Variants in BLK observed in about 807,000 individuals in gnomAD.
BLK encodes the protein tyrosine-protein kinase Blk.
Under a neutral mutation model 61.8 loss-of-function variants are expected in BLK, and 64 were observed. The observed-to-expected ratio is 1.03, with a 90% CI of 0.85 to 1.27. BLK has a LOEUF of 1.27. Ranked by LOEUF, BLK falls within the 50% of genes most tolerant of loss-of-function variation. BLK has a pLI of 0.00. For missense variants in BLK, 853 were observed against 660.5 expected (o/e 1.29, Z -3.19); for synonymous variants, 351 against 272.0 (o/e 1.29, Z -2.86).
chr8:11,518,216 A>C (rs1799303865), intron 1 of BLK, among the ~76,000 whole-genome samples: 1 of 152,210 alleles, frequency 6.6e-6, no homozygotes. Flanking sequence ...CCCACAAAGC[A>C]TGGACTCTCA....
chr8:11,545,594 T>G (rs1800597271), intron 2 of BLK: 1 of 179,904 alleles, frequency 5.6e-6, no homozygotes, highest in Non-Finnish European at 1.2e-5. Context: ...GGAGCCCTCT[T>G]GTACACATTC....
At chr8:11,504,665 A>G (rs1358453333) in intron 1 of BLK, among the ~76,000 whole-genome samples, 1 of 152,220 alleles carries the variant, frequency 6.6e-6, no homozygotes, top group African/African-American at 2.4e-5. Context: ...CATGTGCTCA[A>G]AAACTGTCTC....
chr8:11,558,112 C>T, intron 10 of BLK, 74 bp downstream of exon 10: 3 of 1,425,646 alleles, frequency 2.1e-6, no homozygotes, highest in Non-Finnish European at 3.0e-6. Flanking sequence ...TCGTGCCTTA[C>T]CACCCCATCC....
At chr8:11,518,758 G>A (rs1428662342) in intron 1 of BLK, among the ~76,000 whole-genome samples, 2 of 152,070 alleles carry the variant, frequency 1.3e-5, no homozygotes, top group Admixed American at 6.6e-5. Context: ...TTCCCCAGCT[G>A]GTCTCTGGGC....
intron 1 of BLK, among the ~76,000 whole-genome samples, chr8:11,524,611 C>T (rs6993135): frequency 0.02 from 3,086 of 152,214 alleles, 94 homozygotes; most frequent in African/African-American, 0.07. Flanking sequence ...GCGTGGGAAT[C>T]CCACTTGTGG....
chr8:11,495,959 G>C (rs1798345954), intron 1 of BLK, among the ~76,000 whole-genome samples: 1 of 152,076 alleles, frequency 6.6e-6, no homozygotes, highest in Admixed American at 6.5e-5. Flanking sequence ...AAAATAAAGA[G>C]TTAAAAAAAA....
chr8:11,504,310 G>T (rs1217852899), intron 1 of BLK, among the ~76,000 whole-genome samples: 1 of 148,762 alleles, frequency 6.7e-6, no homozygotes, highest in African/African-American at 2.5e-5. Context: ...GCAACAGAGC[G>T]AGATTCCATC....
At chr8:11,519,889 T>G (rs1292980254) in intron 1 of BLK, among the ~76,000 whole-genome samples, 3 of 152,198 alleles carry the variant, frequency 2.0e-5, no homozygotes, top group Non-Finnish European at 4.4e-5. Context: ...TCAGAAAGAC[T>G]AAGAAGAAAT....
At chr8:11,496,126 C>A (rs954775897) in intron 1 of BLK, among the ~76,000 whole-genome samples, 4 of 152,168 alleles carry the variant, frequency 2.6e-5, no homozygotes, top group African/African-American at 9.7e-5. Context: ...TCTCCCAACC[C>A]CTACCTGATT....
At chr8:11,507,523 C>T (rs912720310) in intron 1 of BLK, among the ~76,000 whole-genome samples, 5 of 152,186 alleles carry the variant, frequency 3.3e-5, no homozygotes, top group Non-Finnish European at 5.9e-5. Context: ...AGGCAAGTCA[C>T]GCTTTAAAAG....
chr8:11,494,889 G>T (rs182553707), intron 1 of BLK, among the ~76,000 whole-genome samples: 408 of 152,358 alleles, frequency 2.7e-3, no homozygotes, highest in Admixed American at 4.4e-3. Context: ...TAGAGAGGGG[G>T]TTGAGCGGGC....
intron 1 of BLK, among the ~76,000 whole-genome samples, chr8:11,527,084 T>C (rs1799687360): frequency 6.6e-6 from 1 of 152,236 alleles, no homozygotes; most frequent in East Asian, 1.9e-4. Flanking sequence ...TTCTTTCCTG[T>C]ACGTGCATGC....
At position 11,541,742 on chromosome 8, in the gene BLK, C is replaced by T. The variant is rs143725096; in HGVS notation, c.-1-1482C>T. Among the ~76,000 whole-genome samples, 625 of 152,282 alleles carry T rather than the reference C, an allele frequency of 4.1e-3. 3 individuals carry two copies. The highest frequency in any genetic ancestry group is 0.014 in the Middle Eastern group (4 of 294). ...CGAACTCCTGACCTCAAGGGATCTG[C>T]CCGCCTCGGCCTTCCAAAGTGCTGG... On this transcript the variant is annotated intron_variant, in intron 1 of 12. Transcript: ENST00000259089.
chr8:11,526,018 C>A (rs145909484), intron 1 of BLK, among the ~76,000 whole-genome samples: 3,954 of 152,274 alleles, frequency 0.026, 163 homozygotes, highest in African/African-American at 0.091. Flanking sequence ...GGTGATCTGC[C>A]CGCCTCGGCC....
intron 12 of BLK, 143 bp from the exon 13 acceptor site, chr8:11,563,760 C>T (rs1324329357): frequency 6.6e-6 from 5 of 761,724 alleles, no homozygotes; most frequent in Admixed American, 2.9e-5. Flanking sequence ...AGCCAGGCAA[C>T]GCACGAGGCT....
intron 12 of BLK, 23 bp from the exon 13 acceptor site, chr8:11,563,880 G>A (rs766107250): frequency 1.9e-6 from 3 of 1,559,050 alleles, no homozygotes; most frequent in South Asian, 2.2e-5. Context: ...CCTCACCCCC[G>A]CTTGCGGTCT....
At chr8:11,535,205 A>C (rs1362303438) in intron 1 of BLK, among the ~76,000 whole-genome samples, 1 of 124,040 alleles carries the variant, frequency 8.1e-6, no homozygotes, top group Non-Finnish European at 1.9e-5. Flanking sequence ...GAAGGAAAGA[A>C]AGAAAGAAAG....
At chr8:11,505,843 G>C (rs573779987) in intron 1 of BLK, among the ~76,000 whole-genome samples, 1 of 152,126 alleles carries the variant, frequency 6.6e-6, no homozygotes, top group African/African-American at 2.4e-5. Flanking sequence ...AGGACTCCCT[G>C]GCACACATGA....
chr8:11,562,447 GC>G (rs1355755327), intron 11 of BLK, among the ~76,000 whole-genome samples: 14 of 152,300 alleles, frequency 9.2e-5, no homozygotes, highest in Non-Finnish European at 1.2e-4. Flanking sequence ...GAAGTGCCAA[GC>G]CCTGAGGTCT....
Sources: gnomAD v4.1 joint callset for allele counts (sites outside exome capture counted in the v4.1 genomes callset) on GRCh38, gnomAD v4.1.1 for gene constraint, MANE v1.5 for transcripts, NCBI Gene and HGNC (gene_info 2026-07-23, HGNC 2026-07-21) for gene names.